SMOC2: variants seen among roughly 807,000 people sequenced by gnomAD.
SMOC2 encodes SPARC-related modular calcium-binding protein 2.
In SMOC2, 39 loss-of-function variants were observed where a neutral mutation model predicts 61.4. That is an observed-to-expected ratio of 0.64 (90% CI 0.49 to 0.83). SMOC2 has a LOEUF of 0.83. Ranked by LOEUF, SMOC2 falls within the 40% of genes least tolerant of loss-of-function variation. The probability of loss-of-function intolerance (pLI) is 0.00; values close to 1 mark genes in which losing one functional copy is unlikely to be tolerated. For missense variants in SMOC2, 556 were observed against 592.9 expected, an observed-to-expected ratio of 0.94 and a Z score of 0.65; for synonymous variants, 247 against 239.9, an observed-to-expected ratio of 1.03 and a Z score of -0.27.
At chr6:168,656,628 G>A (rs1294443554) in intron 11 of SMOC2, among the ~76,000 whole-genome samples, 1 of 151,554 alleles carries the variant, frequency 6.6e-6, no homozygotes, top group Non-Finnish European at 1.5e-5. Context: ...CTGGACTGAG[G>A]GCTCCTGGAG....
intron 9 of SMOC2, among the ~76,000 whole-genome samples, chr6:168,638,251 T>C (rs1786798024): frequency 6.6e-6 from 1 of 151,410 alleles, no homozygotes; most frequent in Admixed American, 6.6e-5. Flanking sequence ...TATTATTATG[T>C]CCAAAAATAG....
chr6:168,574,957 C>A (rs1390156653), intron 7 of SMOC2, among the ~76,000 whole-genome samples: 1 of 152,222 alleles, frequency 6.6e-6, no homozygotes, highest in Non-Finnish European at 1.5e-5. Context: ...TGCTGCTGAT[C>A]TGCAAAAGCT....
intron 7 of SMOC2, among the ~76,000 whole-genome samples, chr6:168,575,763 G>A (rs1784787949): frequency 6.6e-6 from 1 of 152,212 alleles, no homozygotes; most frequent in African/African-American, 2.4e-5. Context: ...CTTATTCAGG[G>A]ACATGACAGG....
chr6:168,583,583 A>G (rs536839307), intron 7 of SMOC2, among the ~76,000 whole-genome samples: 8 of 152,200 alleles, frequency 5.3e-5, no homozygotes, highest in Middle Eastern at 3.4e-3. Flanking sequence ...CCTTGCACTA[A>G]TCAGCAAACT....
chr6:168,559,475 AAAAAT>A (rs143424043), intron 7 of SMOC2, among the ~76,000 whole-genome samples: 50 of 150,244 alleles, frequency 3.3e-4, no homozygotes, highest in Admixed American at 9.9e-4. Flanking sequence ...AAATAAAAAT[AAAAAT>A]AAAATAAAAT....
chr6:168,519,430 C>T (rs1783273491), intron 2 of SMOC2, among the ~76,000 whole-genome samples: 1 of 152,194 alleles, frequency 6.6e-6, no homozygotes, highest in Admixed American at 6.5e-5. Context: ...TGCAGAAACT[C>T]TACCCAGAGT....
chr6:168,505,819 G>T (rs1013628790), intron 1 of SMOC2, among the ~76,000 whole-genome samples: 1 of 152,150 alleles, frequency 6.6e-6, no homozygotes, highest in Non-Finnish European at 1.5e-5. Context: ...TGAGTCTGTA[G>T]CCCCTCTCCC....
At chr6:168,584,680 T>G (rs1785006347) in intron 7 of SMOC2, among the ~76,000 whole-genome samples, 1 of 152,156 alleles carries the variant, frequency 6.6e-6, no homozygotes, top group African/African-American at 2.4e-5. Context: ...ATGTGAGCAA[T>G]ATTTTCTCAT....
chr6:168,583,105 T>C (rs879790060), intron 7 of SMOC2, among the ~76,000 whole-genome samples: 2 of 152,230 alleles, frequency 1.3e-5, no homozygotes, highest in African/African-American at 2.4e-5. Context: ...CATTGCTTGC[T>C]TTTTCTCAGT....
At position 168,650,739 on chromosome 6, in the gene SMOC2, G is replaced by A. The variant is rs147637517; in HGVS notation, c.966G>A (p.Thr322=). The A allele has an allele frequency of 4.0e-3, 6,391 of 1,613,484 alleles. 24 individuals carry two copies. Among genetic ancestry groups the A allele is most frequent in the Non-Finnish European group, 4.9e-3 (5,788 of 1,179,996 alleles). The change falls in exon 10 of 13, where the codon ACG becomes ACA. Residue 322 remains threonine (T), a synonymous_variant. Coordinates refer to ENST00000356284, the MANE Select transcript of SMOC2 (RefSeq NM_001166412.2). ...CCAGCGTTCTGGACGCGCTGTCCAC[G>A]GACATGGTCCACGCCGCCTCCGACC... ...FLTSVLDALS[T]DMVHAASDPS...
Position 168,667,412 on chromosome 6 carries a change from C to T in SMOC2, c.*974C>T, listed in dbSNP as rs1787689548. ...AGCCGGATACGTGGTGCCCCCGGGG[C>T]TGGTGTTGGCAGCCGGGGGGAGGTG... On this transcript the variant is annotated 3_prime_UTR_variant, in exon 13 of 13. Transcript: ENST00000356284. The T allele has an allele frequency of 6.6e-6, 1 of 152,174 alleles. No individual in the cohort carries two copies. The highest frequency in any genetic ancestry group is 1.5e-5 in the Non-Finnish European group (1 of 68,034). 9.4% of individuals were successfully genotyped at this position (152,174 alleles called of 1,614,324 possible). A position where few individuals can be genotyped will look rare whatever the true frequency, so the allele number is the denominator to read the frequency against.
intron 11 of SMOC2, among the ~76,000 whole-genome samples, chr6:168,659,716 G>GGAT (rs1787446211): frequency 8.6e-6 from 1 of 115,690 alleles, no homozygotes; most frequent in Non-Finnish European, 1.9e-5. Flanking sequence ...GTTGTAGGCT[G>GGAT]AGTGAGGGTG....
At chr6:168,571,520 C>G (rs1784665820) in intron 7 of SMOC2, among the ~76,000 whole-genome samples, 1 of 152,102 alleles carries the variant, frequency 6.6e-6, no homozygotes, top group Non-Finnish European at 1.5e-5. Context: ...GTTTGTGAGG[C>G]GCTTTTCCAC....
intron 1 of SMOC2, among the ~76,000 whole-genome samples, chr6:168,459,548 G>A (rs1781667806): frequency 1.3e-5 from 2 of 150,240 alleles, no homozygotes; most frequent in African/African-American, 2.5e-5. Flanking sequence ...CCCAGGGTGG[G>A]TGAGCCCTGG....
chr6:168,534,377 G>A (rs1417238760), intron 4 of SMOC2, among the ~76,000 whole-genome samples: 1 of 151,902 alleles, frequency 6.6e-6, no homozygotes, highest in African/African-American at 2.4e-5. Context: ...CAGGGTGTAG[G>A]TTTAGTCTGA....
chr6:168,600,131 C>T (rs964935725), intron 8 of SMOC2, among the ~76,000 whole-genome samples: 9 of 152,170 alleles, frequency 5.9e-5, no homozygotes, highest in South Asian at 2.1e-4. Flanking sequence ...CTTGGTCAGG[C>T]GCGGTGGTTC....
At chr6:168,556,585 G>A (rs934348006) in intron 7 of SMOC2, among the ~76,000 whole-genome samples, 3 of 142,386 alleles carry the variant, frequency 2.1e-5, no homozygotes, top group African/African-American at 7.6e-5. Context: ...CCCAAAATGC[G>A]CCTTGGGATC....
intron 7 of SMOC2, among the ~76,000 whole-genome samples, chr6:168,557,789 T>A (rs890502848): frequency 1.2e-4 from 18 of 152,220 alleles, no homozygotes; most frequent in African/African-American, 3.9e-4. Context: ...GCTTATGAGG[T>A]ACCAGGCAAG....
intron 2 of SMOC2, among the ~76,000 whole-genome samples, chr6:168,515,496 T>G (rs901335231): frequency 2.0e-5 from 3 of 152,238 alleles, no homozygotes; most frequent in Admixed American, 1.3e-4. Flanking sequence ...TGTTCCCTGC[T>G]GGGGGCTGCC....
Sources: allele counts gnomAD v4.1 joint callset (sites outside exome capture counted in the v4.1 genomes callset), GRCh38; gene constraint gnomAD v4.1.1; transcripts MANE v1.5; gene names NCBI Gene and HGNC (gene_info 2026-07-23, HGNC 2026-07-21).